ECPAS: variants seen among roughly 807,000 people sequenced by gnomAD.
ECPAS encodes proteasome adapter and scaffold protein ECM29.
A neutral mutation model predicts 255.1 loss-of-function variants in ECPAS; 70 were observed. The observed-to-expected ratio is 0.27, with a 90% confidence interval of 0.23 to 0.33. The LOEUF is 0.33. Ranked by LOEUF, ECPAS falls within the 10% of genes least tolerant of loss-of-function variation. ECPAS has a pLI of 1.00. For synonymous variants in ECPAS, 784 were observed against 775.0 expected (o/e 1.01, Z -0.19); for missense variants, 1,817 against 2,206.4 (o/e 0.82, Z 3.54).
chr9:111,377,098 T>A (rs1264580438), intron 36 of ECPAS, among the ~76,000 whole-genome samples: 1 of 152,154 alleles, frequency 6.6e-6, no homozygotes, highest in Non-Finnish European at 1.5e-5. Context: ...CAATGCTTAG[T>A]AAACATCCTA....
intron 15 of ECPAS, among the ~76,000 whole-genome samples, chr9:111,420,745 C>A (rs1056186728): frequency 1.1e-4 from 17 of 152,150 alleles, no homozygotes; most frequent in African/African-American, 4.1e-4. Flanking sequence ...CCCCAGGTCA[C>A]TCCTCTAGCC....
chr9:111,421,126 C>T (rs1384756250), intron 15 of ECPAS, among the ~76,000 whole-genome samples: 1 of 152,188 alleles, frequency 6.6e-6, no homozygotes, highest in African/African-American at 2.4e-5. Flanking sequence ...ATGCACTGCA[C>T]ACTAAGAGCA....
chr9:111,419,739 AC>A (rs1309137961), intron 16 of ECPAS, among the ~76,000 whole-genome samples: 1 of 150,632 alleles, frequency 6.6e-6, no homozygotes, highest in Non-Finnish European at 1.5e-5. Context: ...TTTACACTTG[AC>A]CATTTCATAA....
At chr9:111,444,596 GCTA>G (rs2098250328) in intron 3 of ECPAS, 102 bp from the exon 4 acceptor site, 4 of 743,088 alleles carry the variant, frequency 5.4e-6, no homozygotes, top group Non-Finnish European at 9.0e-6. Context: ...GTGAATAGTA[GCTA>G]CTTTGTTCTT....
At chr9:111,402,001 T>C (rs890416681) in intron 24 of ECPAS, among the ~76,000 whole-genome samples, 1 of 152,154 alleles carries the variant, frequency 6.6e-6, no homozygotes, top group Non-Finnish European at 1.5e-5. Context: ...ACATACATCC[T>C]CAGCTTACAA....
rs757270343 is a variant in ECPAS, at chr9:111,394,180, T to G, written c.2902A>C (p.Ser968Arg). 6.2e-7 allele frequency: 1 copy of G among 1,608,950 alleles called. No individual in the cohort carries two copies. Residue 968 changes from serine to arginine, a missense_variant, in exon 26 of 50, where the codon AGT becomes CGT. Physicochemically the swap from Ser to Arg is moderately radical, Grantham distance 110. Coordinates refer to ENST00000684092, the MANE Select transcript of ECPAS (RefSeq NM_001364929.1). ...CTCACCTTCACTTCTTTGTGGGTAC[T>G]TAGCTTCCTGACAAGGGAAAGGAGC... ...IWLLSLVRKL[S>R]THKEVKSHLK...
At chr9:111,448,614 G>A (rs993445010) in intron 3 of ECPAS, among the ~76,000 whole-genome samples, 25 of 152,206 alleles carry the variant, frequency 1.6e-4, no homozygotes, top group Admixed American at 9.8e-4. Context: ...AATGCACAAT[G>A]TTACTAATGA....
chr9:111,367,148 T>C (rs1327072499), intron 46 of ECPAS, among the ~76,000 whole-genome samples: 2 of 152,194 alleles, frequency 1.3e-5, no homozygotes, highest in East Asian at 1.9e-4. Flanking sequence ...TATAACTATA[T>C]AATTAATATT....
rs376908352 is a variant in ECPAS, at chr9:111,393,742, A to T, written c.2923-8T>A. ...AATTTCTTTAAGATGAGACTGAAAG[A>T]AGAAAAAAGGCATTAGAACACTGAA... On this transcript the variant is annotated splice_polypyrimidine_tract_variant and splice_region_variant and intron_variant, in intron 26 of 49. Transcript: ENST00000684092. 37 of 1,571,910 alleles carry T rather than the reference A, an allele frequency of 2.4e-5. No individual in the cohort carries two copies. In the African/African-American group the frequency reaches 5.0e-4, roughly 21 times the overall value.
chr9:111,389,869 T>C, intron 30 of ECPAS, 115 bp downstream of exon 30: 1 of 1,132,272 alleles, frequency 8.8e-7, no homozygotes, highest in East Asian at 2.6e-5. Context: ...TTCAGCTTTC[T>C]CATCAGGCAC....
intron 1 of ECPAS, among the ~76,000 whole-genome samples, chr9:111,478,528 A>G (rs183590519): frequency 6.6e-6 from 1 of 152,156 alleles, no homozygotes; most frequent in Non-Finnish European, 1.5e-5. Context: ...CTCCATCTCA[A>G]AAACAAAATA....
At chr9:111,446,047 T>C (rs925011396) in intron 3 of ECPAS, among the ~76,000 whole-genome samples, 21 of 152,242 alleles carry the variant, frequency 1.4e-4, no homozygotes, top group South Asian at 2.1e-4. Flanking sequence ...ATGGTGTATA[T>C]GTGCCACATT....
chr9:111,380,121 A>G (rs960303350), intron 35 of ECPAS, among the ~76,000 whole-genome samples: 1 of 152,240 alleles, frequency 6.6e-6, no homozygotes, highest in African/African-American at 2.4e-5. Context: ...TAGCCTTACA[A>G]AATATACTTC....
At chr9:111,413,255 A>T (rs540419684) in intron 20 of ECPAS, among the ~76,000 whole-genome samples, 1 of 152,342 alleles carries the variant, frequency 6.6e-6, no homozygotes, top group East Asian at 1.9e-4. Flanking sequence ...AAGTACTCTA[A>T]ATGACCATCT....
At chr9:111,364,917 G>A (rs1230966583) in intron 48 of ECPAS, among the ~76,000 whole-genome samples, 2 of 152,134 alleles carry the variant, frequency 1.3e-5, no homozygotes, top group African/African-American at 2.4e-5. Context: ...GGGAAGTCGG[G>A]GGGACTTTAT....
In ECPAS at chr9:111,370,566, G is replaced by T; in HGVS notation, c.4843C>A (p.Leu1615Met). Residue 1615 changes from leucine (L) to methionine (M), a missense_variant, in exon 45 of 50, where the codon CTG becomes ATG. Physicochemically the swap from Leu to Met is conservative, Grantham distance 15. Coordinates refer to ENST00000684092, the MANE Select transcript of ECPAS (RefSeq NM_001364929.1). Reference sequence around the variant, plus strand: ...ACATTCTCTTTGCTACATTCCTTCAGAACAGCTTGAAGAATTTCATTTGTG... The same window carrying T: ...ACATTCTCTTTGCTACATTCCTTCATAACAGCTTGAAGAATTTCATTTGTG... ...PSTNEILQAV[L>M]KECSKENVKY... 1.9e-6 allele frequency: 3 copies of T among 1,610,776 alleles called. No homozygotes were observed. The highest frequency in any genetic ancestry group is 2.5e-6 in the Non-Finnish European group (3 of 1,178,410).
At chr9:111,450,526 T>A (rs936385803) in intron 3 of ECPAS, among the ~76,000 whole-genome samples, 1 of 152,164 alleles carries the variant, frequency 6.6e-6, no homozygotes, top group African/African-American at 2.4e-5. Flanking sequence ...GAATAAAACC[T>A]GACCATAGCT....
At chr9:111,481,532 A>G (rs2132139645) in intron 1 of ECPAS, among the ~76,000 whole-genome samples, 1 of 152,244 alleles carries the variant, frequency 6.6e-6, no homozygotes, top group Admixed American at 6.5e-5. Flanking sequence ...AAAAGAAAAC[A>G]GTACAGTGGT....
chr9:111,409,201 T>C (rs2418162), intron 23 of ECPAS, among the ~76,000 whole-genome samples: 9,648 of 152,248 alleles, frequency 0.063, 442 homozygotes, highest in East Asian at 0.19. Flanking sequence ...AGTTAATAGC[T>C]AATAAAAACT....
Sources: gnomAD v4.1 joint callset for allele counts (sites outside exome capture counted in the v4.1 genomes callset) on GRCh38, gnomAD v4.1.1 for gene constraint, MANE v1.5 for transcripts, NCBI Gene and HGNC (gene_info 2026-07-23, HGNC 2026-07-21) for gene names.